Variants in LRP1B observed in about 807,000 individuals in gnomAD.
LRP1B encodes low-density lipoprotein receptor-related protein 1B.
LRP1B carries 217 observed loss-of-function variants against 556.6 expected under a neutral mutation model. The ratio of observed to expected loss-of-function variants is 0.39; its 90% confidence interval spans 0.35 to 0.44. The LOEUF (loss-of-function observed/expected upper bound fraction) is 0.44. Ranked by LOEUF, LRP1B falls within the 20% of genes least tolerant of loss-of-function variation. LRP1B has a pLI of 1.00. For missense variants in LRP1B, 5,053 were observed against 5,620.8 expected, an observed-to-expected ratio of 0.90 and a Z score of 3.23; for synonymous variants, 2,047 against 1,865.8, an observed-to-expected ratio of 1.10 and a Z score of -2.50.
intron 43 of LRP1B, among the ~76,000 whole-genome samples, chr2:140,542,485 A>G (rs535771164): frequency 5.3e-5 from 8 of 152,262 alleles, no homozygotes; most frequent in Admixed American, 1.3e-4. Context: ...CCATACTTTC[A>G]CTCAGATCAA....
intron 11 of LRP1B, among the ~76,000 whole-genome samples, chr2:141,037,294 A>C (rs1698561499): frequency 6.6e-6 from 1 of 152,040 alleles, no homozygotes; most frequent in African/African-American, 2.4e-5. Flanking sequence ...TGATTGGCCA[A>C]ATCCTTCACA....
chr2:140,747,437 C>T (rs1257808838), intron 35 of LRP1B, among the ~76,000 whole-genome samples: 2 of 152,084 alleles, frequency 1.3e-5, no homozygotes, highest in East Asian at 1.9e-4. Flanking sequence ...GCATGAGTCC[C>T]TACAGAGGGT....
intron 7 of LRP1B, among the ~76,000 whole-genome samples, chr2:141,124,187 G>T (rs892219215): frequency 1.3e-5 from 2 of 152,112 alleles, no homozygotes; most frequent in African/African-American, 4.8e-5. Context: ...GCCCAGAATT[G>T]ATAGTGAAAT....
chr2:140,865,458 C>T (rs530638649), intron 27 of LRP1B, among the ~76,000 whole-genome samples: 141 of 151,972 alleles, frequency 9.3e-4, no homozygotes, highest in African/African-American at 3.2e-3. Flanking sequence ...GAGCCTTTGT[C>T]ACCATTTTCA....
intron 3 of LRP1B, among the ~76,000 whole-genome samples, chr2:141,415,870 A>T (rs1360039148): frequency 6.6e-6 from 1 of 152,248 alleles, no homozygotes; most frequent in Non-Finnish European, 1.5e-5. Flanking sequence ...AACTATTAAC[A>T]TCTTAGAAAT....
At chr2:140,617,430 A>G (rs1250247621) in intron 41 of LRP1B, among the ~76,000 whole-genome samples, 2 of 152,016 alleles carry the variant, frequency 1.3e-5, no homozygotes, top group Non-Finnish European at 2.9e-5. Flanking sequence ...AATAAAAATC[A>G]GTGTGTCAAT....
intron 1 of LRP1B, among the ~76,000 whole-genome samples, chr2:141,886,730 TTTTG>T (rs1167499842): frequency 6.6e-6 from 1 of 152,124 alleles, no homozygotes; most frequent in African/African-American, 2.4e-5. Flanking sequence ...CTTACTCACC[TTTTG>T]TTTTTGTTTT....
intron 49 of LRP1B, among the ~76,000 whole-genome samples, chr2:140,521,308 C>T (rs1029452600): frequency 6.6e-6 from 1 of 152,006 alleles, no homozygotes; most frequent in Non-Finnish European, 1.5e-5. Flanking sequence ...AAAAATTGGC[C>T]ACATCACCTG....
At chr2:140,247,970 G>T (rs985598698) in intron 86 of LRP1B, among the ~76,000 whole-genome samples, 16 of 151,472 alleles carry the variant, frequency 1.1e-4, no homozygotes, top group African/African-American at 3.1e-4. Flanking sequence ...AATTTAATTG[G>T]CTTCAGTTCG....
intron 1 of LRP1B, among the ~76,000 whole-genome samples, chr2:141,968,428 A>T (rs927214398): frequency 1.3e-5 from 2 of 150,832 alleles, no homozygotes; most frequent in Non-Finnish European, 3.0e-5. Context: ...AAATTCCTTC[A>T]TTTTTTTTGC....
chr2:140,707,807 A>G (rs1046396252), intron 37 of LRP1B, among the ~76,000 whole-genome samples: 3 of 152,088 alleles, frequency 2.0e-5, no homozygotes, highest in African/African-American at 7.2e-5. Context: ...AGTCTTAAAT[A>G]TGTTGCTATT....
At chr2:141,635,005 AT>A (rs1157873277) in intron 2 of LRP1B, among the ~76,000 whole-genome samples, 9 of 150,794 alleles carry the variant, frequency 6.0e-5, no homozygotes, top group African/African-American at 2.2e-4. Flanking sequence ...AAAAAAGTGA[AT>A]TTGGATTTGA....
chr2:140,481,589 T>TATA (rs1337357691), intron 59 of LRP1B, among the ~76,000 whole-genome samples: 1 of 135,504 alleles, frequency 7.4e-6, no homozygotes, highest in Non-Finnish European at 1.7e-5. Flanking sequence ...TTATTATTAT[T>TATA]ATTATTATTA....
At chr2:140,238,091 A>G (rs1680790216) in intron 89 of LRP1B, 61 bp downstream of exon 89, 6 of 1,452,870 alleles carry the variant, frequency 4.1e-6, no homozygotes, top group Non-Finnish European at 5.6e-6. Flanking sequence ...TCAGAACCAT[A>G]AAACAGAGAT....
Position 141,610,500 on chromosome 2 carries a change from C to G in LRP1B, c.206-129967G>C, listed in dbSNP as rs189672604. Among the ~76,000 whole-genome samples the G allele has an allele frequency of 9.9e-5, 15 of 152,092 alleles. No individual in the cohort carries two copies. In the East Asian group the frequency reaches 2.9e-3, roughly 29 times the overall value. ...CCTTGCCACTCTCTGACCTCTTTTC[C>G]TGAGCTTAGCTTTAGATCTTTCTAT... On this transcript the variant is annotated intron_variant, in intron 2 of 90. Coordinates refer to ENST00000389484, the MANE Select transcript of LRP1B (RefSeq NM_018557.3).
chr2:141,762,568 C>A (rs1347037653), intron 2 of LRP1B, among the ~76,000 whole-genome samples: 2 of 151,442 alleles, frequency 1.3e-5, no homozygotes, highest in African/African-American at 4.9e-5. Context: ...TTTTTTTACT[C>A]CGTATAGTGT....
intron 1 of LRP1B, among the ~76,000 whole-genome samples, chr2:142,090,693 A>G (rs946650927): frequency 6.6e-6 from 1 of 152,100 alleles, no homozygotes; most frequent in Non-Finnish European, 1.5e-5. Context: ...TGAAAAATGA[A>G]CTAGCAATAC....
rs1413462279 is a variant in LRP1B at position 140,442,643 on chromosome 2, T to A, written c.10295-20A>T. ...TTTCAGCTTAGAAAGAAAACTGCCA[T>A]TAAAATGTAGCTTTGGAGAACATAT... On this transcript the variant is annotated intron_variant, in intron 65 of 90. Transcript: ENST00000389484. The A allele has an allele frequency of 6.2e-7, 1 of 1,611,484 alleles. No individual in the cohort carries two copies. Among genetic ancestry groups the A allele is most frequent in the South Asian group, 1.1e-5 (1 of 90,506 alleles).
intron 1 of LRP1B, among the ~76,000 whole-genome samples, chr2:141,872,931 G>A (rs774736739): frequency 5.9e-5 from 9 of 152,050 alleles, no homozygotes; most frequent in East Asian, 1.9e-4. Context: ...ACATTTAAGC[G>A]TGCAAGAATT....
Sources: allele counts gnomAD v4.1 joint callset (sites outside exome capture counted in the v4.1 genomes callset), GRCh38; gene constraint gnomAD v4.1.1; transcripts MANE v1.5; gene names NCBI Gene and HGNC (gene_info 2026-07-23, HGNC 2026-07-21).